BCAS3: variants seen among roughly 807,000 people sequenced by gnomAD.
BCAS3 encodes the protein BCAS3 microtubule associated cell migration factor.
BCAS3 carries 53 observed loss-of-function variants against 116.1 expected under a neutral mutation model. The observed-to-expected ratio is 0.46, with a 90% CI of 0.37 to 0.57. BCAS3 has a LOEUF of 0.57. Among genes scored for constraint, BCAS3 ranks in the 20% least tolerant of loss-of-function variants. BCAS3 has a pLI of 0.00. For synonymous variants in BCAS3, 391 were observed against 408.2 expected (o/e 0.96, Z 0.51); for missense variants, 917 against 1,165.4 (o/e 0.79, Z 3.10).
At position 61,365,869 on chromosome 17, in the gene BCAS3, G is replaced by A. The variant is rs1284879466; in HGVS notation, c.2426-2458G>A. On this transcript the variant is annotated intron_variant, in intron 22 of 23. Coordinates refer to ENST00000407086, the MANE Select transcript of BCAS3 (RefSeq NM_017679.5). This position sits in a 1 kb window ranked among gnomAD's most constrained non-coding sequence, Gnocchi z 4.6. ...AAAGCTGAGTGTATAGCAGCCAGGT[G>A]CGGTGGCTCACACCTGGAATCCCAG... is the stretch of plus-strand genomic sequence containing the variant. Among the ~76,000 whole-genome samples, 1 of 151,984 alleles carries A rather than the reference G, an allele frequency of 6.6e-6. No homozygotes were observed. The highest frequency in any genetic ancestry group is 2.4e-5 in the African/African-American group (1 of 41,408).
chr17:60,772,885 G>C (rs781169241), intron 6 of BCAS3, among the ~76,000 whole-genome samples: 3 of 152,068 alleles, frequency 2.0e-5, no homozygotes, highest in Non-Finnish European at 4.4e-5. Flanking sequence ...AAAAAAAAAG[G>C]GGGGCTTAAC....
chr17:61,297,326 A>C (rs1037668502), intron 22 of BCAS3, among the ~76,000 whole-genome samples: 1 of 152,150 alleles, frequency 6.6e-6, no homozygotes, highest in African/African-American at 2.4e-5. Flanking sequence ...TTTGGAGCAT[A>C]CTGAGTTAAG....
In BCAS3 at chr17:61,316,136, T is replaced by C. The variant is rs1354856748; in HGVS notation, c.2426-52191T>C. Among the ~76,000 whole-genome samples the C allele has an allele frequency of 6.6e-6, 1 of 151,828 alleles. No homozygotes were observed. Among genetic ancestry groups the C allele is most frequent in the Non-Finnish European group, 1.5e-5 (1 of 67,954 alleles). On this transcript the variant is annotated intron_variant, in intron 22 of 23. Transcript: ENST00000407086. The surrounding 1 kb of genome is among the most constrained non-coding windows in gnomAD (Gnocchi z 5.8). ...CCTGGCCAACATGGCGAAACCCCCA[T>C]CTCTACTAAAAATTACAAAATTAGC...
At chr17:60,734,542 G>C (rs1425335650) in intron 5 of BCAS3, among the ~76,000 whole-genome samples, 1 of 152,132 alleles carries the variant, frequency 6.6e-6, no homozygotes, top group Non-Finnish European at 1.5e-5. Flanking sequence ...TCATTTTATT[G>C]CATGTGGGTG....
At chr17:61,169,719 G>GTGA (rs2078723179) in intron 22 of BCAS3, among the ~76,000 whole-genome samples, 1 of 152,148 alleles carries the variant, frequency 6.6e-6, no homozygotes, top group Non-Finnish European at 1.5e-5. Context: ...AGTGGTGGTG[G>GTGA]TGATAAGATA....
chr17:61,037,784 T>G lies in BCAS3; in HGVS notation c.1763-105T>G, dbSNP rs1296306410. 1.9e-6 allele frequency: 2 copies of G among 1,050,166 alleles called. No homozygotes were observed. The highest frequency in any genetic ancestry group is 3.3e-5 in the African/African-American group (2 of 60,638). The allele number at this position is 1,050,166 out of a possible 1,614,324, so 65.1% of individuals were successfully genotyped here. A position where few individuals can be genotyped will look rare whatever the true frequency, so the allele number is the denominator to read the frequency against. ...AAAATTCCTGTCTTTTCATTTTCTC[T>G]GAGCAGCCTCAGGAGCAGACTAATA... On this transcript the variant is annotated intron_variant, in intron 17 of 23. Transcript: ENST00000407086. The surrounding 1 kb of genome is among the most constrained non-coding windows in gnomAD (Gnocchi z 4.7).
intron 8 of BCAS3, among the ~76,000 whole-genome samples, chr17:60,869,061 G>C (rs2054877789): frequency 6.6e-6 from 1 of 152,158 alleles, no homozygotes; most frequent in South Asian, 2.1e-4. Flanking sequence ...TTTGCTGTGA[G>C]AAACCACCAA....
At chr17:61,311,466 TGAAACATTTG>T (rs2054299628) in intron 22 of BCAS3, among the ~76,000 whole-genome samples, 1 of 152,342 alleles carries the variant, frequency 6.6e-6, no homozygotes, top group East Asian at 1.9e-4. Context: ...GTTTGGTCTG[TGAAACATTTG>T]GATATTTGTT....
chr17:61,362,046 G>A lies in BCAS3; in HGVS notation c.2426-6281G>A, dbSNP rs972794457. Among the ~76,000 whole-genome samples, 1 of 152,158 alleles carries A rather than the reference G, an allele frequency of 6.6e-6. No homozygotes were observed. Among genetic ancestry groups the A allele is most frequent in the African/African-American group, 2.4e-5 (1 of 41,426 alleles). Reference sequence around the variant, plus strand: ...GAAATAAGCCTTGCTGGCTATCTGGGCATCCCTTAGTCCAGTCAAGTTGAT... The same window carrying A: ...GAAATAAGCCTTGCTGGCTATCTGGACATCCCTTAGTCCAGTCAAGTTGAT... On this transcript the variant is annotated intron_variant, in intron 22 of 23. Coordinates refer to ENST00000407086, the MANE Select transcript of BCAS3 (RefSeq NM_017679.5). This position sits in a 1 kb window ranked among gnomAD's most constrained non-coding sequence, Gnocchi z 4.4.
intron 5 of BCAS3, among the ~76,000 whole-genome samples, chr17:60,720,889 T>C (rs1291332276): frequency 6.6e-6 from 1 of 152,130 alleles, no homozygotes; most frequent in African/African-American, 2.4e-5. Context: ...AGTTAGTATT[T>C]GTAGTGTTTT....
intron 7 of BCAS3, chr17:60,810,656 T>G: frequency 1.5e-6 from 1 of 673,224 alleles, no homozygotes; most frequent in Non-Finnish European, 2.8e-6. Context: ...GCTGATGACT[T>G]TAGAGTCAAG....
At chr17:60,681,656 A>C (rs1262552299) in intron 2 of BCAS3, among the ~76,000 whole-genome samples, 1 of 148,390 alleles carries the variant, frequency 6.7e-6, no homozygotes, top group Non-Finnish European at 1.5e-5. Flanking sequence ...GGTTCAAATG[A>C]TTCTCTTGCC....
At chr17:61,230,547 C>T (rs1252740608) in intron 22 of BCAS3, among the ~76,000 whole-genome samples, 1 of 152,176 alleles carries the variant, frequency 6.6e-6, no homozygotes, top group Non-Finnish European at 1.5e-5. Flanking sequence ...AAAGTGAGAA[C>T]ATGTGGTATT....
In BCAS3 at chr17:60,770,845, T is replaced by G. The variant is rs1253440934; in HGVS notation, c.403+23566T>G. The stretch of plus-strand genomic sequence containing the variant: ...TAAAACTGAAATTTGTTTTTTTTTT[T>G]TTTTTTTTTTTTTTTTTTTTGAGAC... On this transcript the variant is annotated intron_variant, in intron 6 of 23. Coordinates refer to ENST00000407086, the MANE Select transcript of BCAS3 (RefSeq NM_017679.5). 3.2e-3 allele frequency among the ~76,000 whole-genome samples: 230 copies of G among 72,908 alleles called. 5 individuals are homozygous for G. Among genetic ancestry groups the G allele is most frequent in the South Asian group, 0.02 (58 of 2,940 alleles). 47.8% of individuals were successfully genotyped at this position (72,908 alleles called of 152,430 possible). A position where few individuals can be genotyped will look rare whatever the true frequency, so the allele number is the denominator to read the frequency against.
intron 7 of BCAS3, among the ~76,000 whole-genome samples, chr17:60,826,342 T>C (rs982091383): frequency 6.6e-6 from 1 of 152,034 alleles, no homozygotes; most frequent in East Asian, 1.9e-4. Context: ...CACCACCATG[T>C]GCAGCTAATT....
At chr17:61,357,148 G>A (rs1431029032) in intron 22 of BCAS3, among the ~76,000 whole-genome samples, 1 of 150,648 alleles carries the variant, frequency 6.6e-6, no homozygotes, top group Non-Finnish European at 1.5e-5. Context: ...GCTCATGCCT[G>A]TAATCCCAGC....
chr17:60,986,672 A>G (rs2063161891), intron 14 of BCAS3, among the ~76,000 whole-genome samples: 1 of 152,126 alleles, frequency 6.6e-6, no homozygotes, highest in African/African-American at 2.4e-5. Flanking sequence ...TCTTTTGCCC[A>G]TTTTAAAATA....
At chr17:60,705,117 G>A (rs766064140) in intron 4 of BCAS3, among the ~76,000 whole-genome samples, 1 of 152,152 alleles carries the variant, frequency 6.6e-6, no homozygotes, top group Non-Finnish European at 1.5e-5. Flanking sequence ...CAATGTTACA[G>A]AAATAACCAT....
At position 61,368,936 on chromosome 17, in the gene BCAS3, C is replaced by G. The variant is rs529901608; in HGVS notation, c.2593+442C>G. ...CTGGGCTGGTTTCAGCCCCTACCAG[C>G]TTTTCCTCATGCTGCCTTTGGCCTT... On this transcript the variant is annotated intron_variant, in intron 23 of 23. Coordinates refer to ENST00000407086, the MANE Select transcript of BCAS3 (RefSeq NM_017679.5). The surrounding 1 kb of genome is among the most constrained non-coding windows in gnomAD (Gnocchi z 6.0). 2.6e-5 allele frequency among the ~76,000 whole-genome samples: 4 copies of G among 152,324 alleles called. No homozygotes were observed. The highest frequency in any genetic ancestry group is 9.6e-5 in the African/African-American group (4 of 41,584).
Sources: gnomAD v4.1 joint callset for allele counts (sites outside exome capture counted in the v4.1 genomes callset) on GRCh38, gnomAD v4.1.1 for gene constraint, Gnocchi (gnomAD v3.1) non-coding constraint, MANE v1.5 for transcripts, NCBI Gene and HGNC (gene_info 2026-07-23, HGNC 2026-07-21) for gene names.